INSYN2A: variants seen among roughly 807,000 people sequenced by gnomAD.
INSYN2A encodes inhibitory synaptic factor 2A, also known as family with sequence similarity 196 member A.
A neutral mutation model predicts 39.4 loss-of-function variants in INSYN2A; 17 were observed. That is an observed-to-expected ratio of 0.43 (90% CI 0.30 to 0.65). The LOEUF (loss-of-function observed/expected upper bound fraction) is 0.65. Among genes scored for constraint, INSYN2A ranks in the 30% least tolerant of loss-of-function variants. The pLI is 0.14. For synonymous variants in INSYN2A, 255 were observed against 265.7 expected, an observed-to-expected ratio of 0.96 and a Z score of 0.39; for missense variants, 595 against 631.2, an observed-to-expected ratio of 0.94 and a Z score of 0.61.
chr10:127,188,966 G>A (rs748312816), intron 2 of INSYN2A, among the ~76,000 whole-genome samples: 6 of 152,130 alleles, frequency 3.9e-5, no homozygotes, highest in Non-Finnish European at 8.8e-5. Context: ...GCCTGTTACC[G>A]CACCACCACG....
chr10:127,172,841 C>A (rs2054704421), intron 4 of INSYN2A, among the ~76,000 whole-genome samples: 1 of 152,286 alleles, frequency 6.6e-6, no homozygotes, highest in East Asian at 1.9e-4. Flanking sequence ...TTCTGGGATA[C>A]CGGAGTGAAT....
intron 5 of INSYN2A, among the ~76,000 whole-genome samples, chr10:127,152,282 T>C (rs2052575330): frequency 6.6e-6 from 1 of 152,224 alleles, no homozygotes; most frequent in Admixed American, 6.5e-5. Context: ...AAATTCTCTT[T>C]TGCAAGATGA....
intron 5 of INSYN2A, among the ~76,000 whole-genome samples, chr10:127,147,617 C>A (rs2052016441): frequency 6.6e-6 from 1 of 152,144 alleles, no homozygotes; most frequent in Non-Finnish European, 1.5e-5. Flanking sequence ...CCCAGTCTCC[C>A]AGGGCCTGGT....
intron 5 of INSYN2A, among the ~76,000 whole-genome samples, chr10:127,143,204 T>C (rs1344723346): frequency 6.6e-6 from 1 of 152,210 alleles, no homozygotes. Context: ...CAGTCGTCCA[T>C]GTGTAACAGT....
intron 2 of INSYN2A, among the ~76,000 whole-genome samples, chr10:127,183,101 A>G (rs933882710): frequency 5.4e-5 from 8 of 146,948 alleles, no homozygotes; most frequent in African/African-American, 2.0e-4. Flanking sequence ...TTTTTTAACT[A>G]AACAGCATGT....
chr10:127,140,165 G>A (rs944403362), intron 5 of INSYN2A, among the ~76,000 whole-genome samples: 1 of 152,122 alleles, frequency 6.6e-6, no homozygotes, highest in Admixed American at 6.6e-5. Flanking sequence ...GTACAATTTC[G>A]GCTACCTGTA....
rs2054587499 is a variant in INSYN2A, at chr10:127,171,686, C to T, written c.1184+3526G>A. 2.0e-5 allele frequency among the ~76,000 whole-genome samples: 3 copies of T among 152,182 alleles called. No individual in the cohort carries two copies. In the South Asian group the frequency reaches 6.2e-4, roughly 32 times the overall value. Reference sequence around the variant, plus strand: ...GATTTGTAGGCTTTAGAATATTTTCCAAGAAAAGTTCCATTGATTTTATTT... The same window carrying T: ...GATTTGTAGGCTTTAGAATATTTTCTAAGAAAAGTTCCATTGATTTTATTT... On this transcript the variant is annotated intron_variant, in intron 4 of 5. Transcript: ENST00000522781.
chr10:127,140,579 C>T (rs2051134361), intron 5 of INSYN2A, among the ~76,000 whole-genome samples: 1 of 135,802 alleles, frequency 7.4e-6, no homozygotes, highest in South Asian at 2.4e-4. Flanking sequence ...ACACTGCTTC[C>T]TGCTCAAGGA....
intron 4 of INSYN2A, among the ~76,000 whole-genome samples, chr10:127,163,520 T>TTGAG (rs1389481843): frequency 2.6e-5 from 4 of 152,150 alleles, no homozygotes; most frequent in Admixed American, 1.3e-4. Flanking sequence ...TGAATAATGC[T>TTGAG]TGAGTGAATG....
intron 4 of INSYN2A, among the ~76,000 whole-genome samples, chr10:127,169,875 A>G (rs903830657): frequency 1.3e-5 from 2 of 152,158 alleles, no homozygotes; most frequent in Non-Finnish European, 2.9e-5. Context: ...ACCTTGGTAC[A>G]GGATACCACA....
chr10:127,154,105 C>T (rs1251710924), intron 4 of INSYN2A, among the ~76,000 whole-genome samples, 182 bp from the exon 5 acceptor site: 4 of 152,182 alleles, frequency 2.6e-5, no homozygotes, highest in African/African-American at 9.7e-5. Context: ...CAATGCAACA[C>T]CTACAGCTAA....
chr10:127,163,830 A>G (rs1167917410), intron 4 of INSYN2A, among the ~76,000 whole-genome samples: 1 of 148,458 alleles, frequency 6.7e-6, no homozygotes, highest in East Asian at 2.0e-4. Context: ...CCCTGAAGCA[A>G]TCCTGGTGGA....
chr10:127,151,645 C>T (rs1323014280), intron 5 of INSYN2A, among the ~76,000 whole-genome samples: 2 of 152,168 alleles, frequency 1.3e-5, no homozygotes, highest in Non-Finnish European at 2.9e-5. Context: ...TCTGTAAAAT[C>T]ACATCTGCAG....
At chr10:127,158,525 T>C (rs2053296003) in intron 4 of INSYN2A, among the ~76,000 whole-genome samples, 1 of 152,220 alleles carries the variant, frequency 6.6e-6, no homozygotes, top group African/African-American at 2.4e-5. Context: ...TGTAACTCCA[T>C]GCGTGATACA....
At chr10:127,142,784 G>A (rs900758747) in intron 5 of INSYN2A, among the ~76,000 whole-genome samples, 1 of 152,194 alleles carries the variant, frequency 6.6e-6, no homozygotes, top group African/African-American at 2.4e-5. Flanking sequence ...CCCTCGCTGT[G>A]CTCTTGGCAA....
At chr10:127,154,533 T>C (rs1010033017) in intron 4 of INSYN2A, among the ~76,000 whole-genome samples, 20 of 152,242 alleles carry the variant, frequency 1.3e-4, no homozygotes, top group Non-Finnish European at 2.8e-4. Context: ...TTTATGAAAA[T>C]ACCTATTTCT....
At chr10:127,187,451 C>T (rs1277423731) in intron 2 of INSYN2A, among the ~76,000 whole-genome samples, 3 of 152,170 alleles carry the variant, frequency 2.0e-5, no homozygotes, top group Admixed American at 2.0e-4. Context: ...CACATGACCC[C>T]TGTATGCTTT....
intron 4 of INSYN2A, among the ~76,000 whole-genome samples, chr10:127,156,662 G>C (rs1329859809): frequency 2.8e-5 from 4 of 143,354 alleles, no homozygotes; most frequent in South Asian, 2.3e-4. Context: ...TCCGCCTCCT[G>C]GGTTCAAGCG....
At chr10:127,148,066 C>T (rs2052087930) in intron 5 of INSYN2A, among the ~76,000 whole-genome samples, 1 of 148,934 alleles carries the variant, frequency 6.7e-6, no homozygotes, top group African/African-American at 2.5e-5. Flanking sequence ...AAAATTCCAC[C>T]TGTCCTTGAC....
Sources: allele counts gnomAD v4.1 joint callset (sites outside exome capture counted in the v4.1 genomes callset), GRCh38; gene constraint gnomAD v4.1.1; transcripts MANE v1.5; gene names NCBI Gene and HGNC (gene_info 2026-07-23, HGNC 2026-07-21).